Variants in PLA2R1 observed in about 807,000 individuals in gnomAD.
PLA2R1 encodes phospholipase A2 receptor 1, also known as secretory phospholipase A2 receptor.
Under a neutral mutation model 195.9 loss-of-function variants are expected in PLA2R1, and 158 were observed. That is an observed-to-expected ratio of 0.81 (90% CI 0.71 to 0.92). PLA2R1 has a LOEUF of 0.92. PLA2R1 is among the 40% of genes least tolerant of loss of function. PLA2R1 has a pLI of 0.00. For missense variants in PLA2R1, 1,626 were observed against 1,764.6 expected (o/e 0.92, Z 1.41); for synonymous variants, 586 against 598.2 (o/e 0.98, Z 0.30).
At chr2:160,009,947 A>T (rs1692245892) in intron 10 of PLA2R1, among the ~76,000 whole-genome samples, 2 of 151,684 alleles carry the variant, frequency 1.3e-5, no homozygotes, top group African/African-American at 4.8e-5. Context: ...GTCTCTGTAA[A>T]AAATTTTAAA....
At chr2:160,050,795 G>A (rs1166380718) in intron 1 of PLA2R1, among the ~76,000 whole-genome samples, 5 of 152,192 alleles carry the variant, frequency 3.3e-5, no homozygotes, top group African/African-American at 1.2e-4. Flanking sequence ...AAAAGGGGGT[G>A]CCATGAGGTT....
intron 1 of PLA2R1, among the ~76,000 whole-genome samples, chr2:160,060,671 G>A (rs1695891146): frequency 6.6e-6 from 1 of 152,154 alleles, no homozygotes; most frequent in Non-Finnish European, 1.5e-5. Context: ...CTAAAAAGAA[G>A]GCACTGATGA....
intron 6 of PLA2R1, among the ~76,000 whole-genome samples, chr2:160,023,199 A>G (rs1206838988): frequency 6.6e-6 from 1 of 152,144 alleles, no homozygotes; most frequent in Non-Finnish European, 1.5e-5. Flanking sequence ...CTTGTTTAGG[A>G]GCTGGGTAAA....
intron 11 of PLA2R1, among the ~76,000 whole-genome samples, chr2:159,997,007 A>C (rs1376218820): frequency 3.3e-5 from 5 of 152,136 alleles, no homozygotes; most frequent in Non-Finnish European, 7.4e-5. Context: ...TGGTAATTTC[A>C]ACATTCCTGT....
rs374235754 is a variant in PLA2R1, at chr2:159,941,964, C to T, written c.4206G>A (p.Ala1402=). The T allele has an allele frequency of 6.9e-5, 112 of 1,613,580 alleles. No homozygotes were observed. The highest frequency in any genetic ancestry group is 4.8e-4 in the Admixed American group (29 of 59,984). ...KGPSHSIIPL[A]VVLTLIVIVA... is the part of the protein sequence containing the mutation. The stretch of plus-strand genomic sequence containing the variant: ...CAATGACTATCAGTGTCAGTACAAC[C>T]GCAAGAGGAATGATGCTGTGACTTG... The change falls in exon 30 of 30, where the codon GCG becomes GCA. Residue 1402 remains alanine (A), a synonymous_variant. Transcript: ENST00000283243.
In PLA2R1 at chr2:159,937,553, A is replaced by G. The variant is rs1013339295; in HGVS notation, c.*4225T>C. ...ATACTCATCCTCACAACTCACATAG[A>G]AATCTAAGATAAATCAAGCCTTGGG... On this transcript the variant is annotated 3_prime_UTR_variant, in exon 30 of 30. Transcript: ENST00000283243. The G allele has an allele frequency of 3.3e-5, 5 of 152,372 alleles. No homozygotes were observed. Among genetic ancestry groups the G allele is most frequent in the Admixed American group, 1.3e-4 (2 of 15,304 alleles). The allele number at this position is 152,372 out of a possible 1,614,324, so 9.4% of individuals were successfully genotyped here.
At chr2:160,031,942 T>C (rs970850678) in intron 4 of PLA2R1, among the ~76,000 whole-genome samples, 9 of 152,196 alleles carry the variant, frequency 5.9e-5, no homozygotes, top group Admixed American at 2.0e-4. Context: ...AATTTTTGTA[T>C]TTTTAGTAGA....
intron 24 of PLA2R1, among the ~76,000 whole-genome samples, chr2:159,950,693 T>C (rs1687677069): frequency 1.3e-5 from 2 of 152,188 alleles, no homozygotes; most frequent in Non-Finnish European, 2.9e-5. Context: ...ACAATGTACA[T>C]ATTCTTCCAT....
intron 10 of PLA2R1, among the ~76,000 whole-genome samples, chr2:160,009,036 A>G (rs905290558): frequency 1.7e-4 from 26 of 152,244 alleles, no homozygotes; most frequent in African/African-American, 6.3e-4. Context: ...TATTATCAAA[A>G]CAAAACAACC....
At position 160,016,716 on chromosome 2, in the gene PLA2R1, C is replaced by T. The variant is rs184934126; in HGVS notation, c.1453-4G>A. On this transcript the variant is annotated splice_polypyrimidine_tract_variant and splice_region_variant and intron_variant, in intron 8 of 29. Coordinates refer to ENST00000283243, the MANE Select transcript of PLA2R1 (RefSeq NM_007366.5). ...TTTTGACTTTCCAGTGTCCCTCCTA[C>T]GGAGAAAAATGTTACAAGAGAATGA... 1.2e-4 allele frequency: 173 copies of T among 1,466,766 alleles called. No individual in the cohort carries two copies. Among genetic ancestry groups the T allele is most frequent in the African/African-American group, 1.1e-3 (79 of 72,030 alleles). 90.9% of individuals were successfully genotyped at this position (1,466,766 alleles called of 1,614,324 possible).
At chr2:160,056,319 T>C (rs1271205335) in intron 1 of PLA2R1, among the ~76,000 whole-genome samples, 2 of 152,260 alleles carry the variant, frequency 1.3e-5, no homozygotes, top group Non-Finnish European at 2.9e-5. Context: ...AATGTATTTC[T>C]TATTGTGGTT....
chr2:159,949,533 C>T (rs1687593776), intron 25 of PLA2R1, 75 bp downstream of exon 25: 1 of 1,073,628 alleles, frequency 9.3e-7, no homozygotes, highest in Non-Finnish European at 1.4e-6. Flanking sequence ...ATCCTCATAT[C>T]CTTTGCTTAG....
In PLA2R1 at chr2:159,941,609, C is replaced by G; in HGVS notation, c.*169G>C. 3.8e-6 allele frequency: 2 copies of G among 527,094 alleles called. No individual in the cohort carries two copies. Among genetic ancestry groups the G allele is most frequent in the Non-Finnish European group, 6.7e-6 (2 of 297,320 alleles). 32.7% of individuals were successfully genotyped at this position (527,094 alleles called of 1,614,324 possible). A position where few individuals can be genotyped will look rare whatever the true frequency, so the allele number is the denominator to read the frequency against. ...TTTAGGGAAATGAATAAATCAAAAC[C>G]CATCTGATTTGGTTAAGATTCAAAA... is the stretch of plus-strand genomic sequence containing the variant. On this transcript the variant is annotated 3_prime_UTR_variant, in exon 30 of 30. Coordinates refer to ENST00000283243, the MANE Select transcript of PLA2R1 (RefSeq NM_007366.5).
In PLA2R1 at chr2:160,032,926, A is replaced by G. The variant is rs181661423; in HGVS notation, c.841+33T>C. ...ACAGTTAACAACCATCTTTTATTGT[A>G]TCAATATCAATGTGCGTCATCCACC... On this transcript the variant is annotated intron_variant, in intron 4 of 29. Coordinates refer to ENST00000283243, the MANE Select transcript of PLA2R1 (RefSeq NM_007366.5). 1.9e-5 allele frequency: 27 copies of G among 1,393,836 alleles called. No homozygotes were observed. In the East Asian group the frequency reaches 3.7e-4, roughly 19 times the overall value. The allele number at this position is 1,393,836 out of a possible 1,614,324, so 86.3% of individuals were successfully genotyped here.
At chr2:159,924,230 A>G in the PLA2R1 span, among the ~76,000 whole-genome samples, 4 of 152,170 alleles carry the variant, frequency 2.6e-5, no homozygotes, top group African/African-American at 9.7e-5. Flanking sequence ...TTAAGGATAC[A>G]TGTGATTGCA....
At chr2:160,029,906 T>C (rs1234846538) in intron 4 of PLA2R1, among the ~76,000 whole-genome samples, 1 of 152,224 alleles carries the variant, frequency 6.6e-6, no homozygotes, top group African/African-American at 2.4e-5. Context: ...CAGAGCCCAA[T>C]TTATTTTTAG....
At chr2:159,947,286 AT>A in intron 26 of PLA2R1, 132 bp downstream of exon 26, 2 of 728,324 alleles carry the variant, frequency 2.7e-6, no homozygotes, top group Admixed American at 6.0e-5. Flanking sequence ...AATAGTATTT[AT>A]TTTTTCAATA....
chr2:159,981,165 T>A (rs530573493), intron 13 of PLA2R1, among the ~76,000 whole-genome samples: 24 of 152,096 alleles, frequency 1.6e-4, no homozygotes, highest in Non-Finnish European at 3.2e-4. Flanking sequence ...TTTCTCTTCA[T>A]CAGTTTCCTG....
chr2:159,990,713 T>C (rs1309962725), intron 11 of PLA2R1, among the ~76,000 whole-genome samples: 1 of 152,202 alleles, frequency 6.6e-6, no homozygotes, highest in Non-Finnish European at 1.5e-5. Context: ...TGCTAGGCAA[T>C]TTATATGGTC....
Sources: gnomAD v4.1 joint callset for allele counts (sites outside exome capture counted in the v4.1 genomes callset) on GRCh38, gnomAD v4.1.1 for gene constraint, MANE v1.5 for transcripts, NCBI Gene and HGNC (gene_info 2026-07-23, HGNC 2026-07-21) for gene names.